Variants in EIF4EBP1 observed in about 807,000 individuals in gnomAD.
EIF4EBP1 encodes eukaryotic translation initiation factor 4E binding protein 1.
EIF4EBP1 carries 5 observed loss-of-function variants against 9.2 expected under a neutral mutation model. That is an observed-to-expected ratio of 0.54 (90% CI 0.28 to 1.14). The LOEUF (loss-of-function observed/expected upper bound fraction) is 1.14, where lower values mean the gene tolerates loss of function less well. EIF4EBP1 is among the 50% of genes most tolerant of loss of function. The probability of loss-of-function intolerance (pLI) is 0.09; values close to 1 mark genes in which losing one functional copy is unlikely to be tolerated. For synonymous variants in EIF4EBP1, 62 were observed against 67.0 expected (o/e 0.93, Z 0.36); for missense variants, 139 against 169.6 (o/e 0.82, Z 1.00).
chr8:38,056,049 T>G (rs1809590787), intron 1 of EIF4EBP1, among the ~76,000 whole-genome samples: 2 of 152,016 alleles, frequency 1.3e-5, no homozygotes. Flanking sequence ...GGAACTGTCT[T>G]TTTGAGATAG....
intron 1 of EIF4EBP1, among the ~76,000 whole-genome samples, chr8:38,039,827 C>G (rs1411753929): frequency 6.6e-6 from 1 of 152,044 alleles, no homozygotes; most frequent in Non-Finnish European, 1.5e-5. Flanking sequence ...CCAATATTAC[C>G]GAACAGGGAG....
At chr8:38,045,299 A>C (rs941548917) in intron 1 of EIF4EBP1, among the ~76,000 whole-genome samples, 1 of 152,132 alleles carries the variant, frequency 6.6e-6, no homozygotes, top group African/African-American at 2.4e-5. Context: ...CTATTTGTAC[A>C]TTAAGTACCT....
rs772901137 is a variant in EIF4EBP1, at chr8:38,059,968, G to A, written c.*33G>A. ...GCCATCGTGTGGAGCACTACCAAGG[G>A]GCCCCTCAGGGCCTTCCTGGGAGGA... On this transcript the variant is annotated 3_prime_UTR_variant, in exon 3 of 3. Coordinates refer to ENST00000338825, the MANE Select transcript of EIF4EBP1 (RefSeq NM_004095.4). 10 of 1,604,694 alleles carry A rather than the reference G, an allele frequency of 6.2e-6. No homozygotes were observed. The South Asian group carries it at 1.1e-4, about 18-fold the overall frequency.
intron 1 of EIF4EBP1, among the ~76,000 whole-genome samples, chr8:38,031,511 T>C (rs953647512): frequency 4.6e-5 from 7 of 152,200 alleles, no homozygotes; most frequent in African/African-American, 1.4e-4. Flanking sequence ...CCTACGCGCC[T>C]GTTTGCATGA....
At chr8:38,033,499 G>A (rs1006754785) in intron 1 of EIF4EBP1, among the ~76,000 whole-genome samples, 2 of 151,722 alleles carry the variant, frequency 1.3e-5, no homozygotes, top group Non-Finnish European at 2.9e-5. Context: ...AAAAAAGATG[G>A]CTCCATCCAG....
intron 1 of EIF4EBP1, among the ~76,000 whole-genome samples, chr8:38,052,237 G>A (rs1809535930): frequency 6.6e-6 from 1 of 151,910 alleles, no homozygotes; most frequent in Non-Finnish European, 1.5e-5. Context: ...CTCTGCAGCA[G>A]GTGTCTTCAG....
In EIF4EBP1 at chr8:38,052,753, A is replaced by G. The variant is rs534362837; in HGVS notation, c.146-4328A>G. Among the ~76,000 whole-genome samples the G allele has an allele frequency of 1.6e-3, 236 of 151,668 alleles. 3 individuals are homozygous for G. Among genetic ancestry groups the G allele is most frequent in the Non-Finnish European group, 2.9e-4 (20 of 67,910 alleles). ...AAAAAATTGTAGATAAGGTCTTGCA[A>G]TGTTGCCCAGGCTGGTCTCAAACTC... is the stretch of plus-strand genomic sequence containing the variant. On this transcript the variant is annotated intron_variant, in intron 1 of 2. Coordinates refer to ENST00000338825, the MANE Select transcript of EIF4EBP1 (RefSeq NM_004095.4).
chr8:38,038,736 G>A (rs532788276), intron 1 of EIF4EBP1, among the ~76,000 whole-genome samples: 45 of 151,642 alleles, frequency 3.0e-4, no homozygotes, highest in Non-Finnish European at 5.7e-4. Context: ...ACATGCTCTC[G>A]AGATGCTCAG....
Position 38,030,722 on chromosome 8 carries a change from G to C in EIF4EBP1, c.145+4G>C. On this transcript the variant is annotated splice_donor_region_variant and intron_variant, in intron 1 of 2. Coordinates refer to ENST00000338825, the MANE Select transcript of EIF4EBP1 (RefSeq NM_004095.4). ...CTCTTCAGCACCACCCCGGGAGGTAGGCGCGGGCTTGGCGACGCCGCTTGC... is the reference window on the plus strand; with the variant it reads ...CTCTTCAGCACCACCCCGGGAGGTACGCGCGGGCTTGGCGACGCCGCTTGC... 1 of 1,391,916 alleles carries C rather than the reference G, an allele frequency of 7.2e-7. No individual in the cohort carries two copies. Among genetic ancestry groups the C allele is most frequent in the Non-Finnish European group, 9.3e-7 (1 of 1,079,078 alleles). 86.2% of individuals were successfully genotyped at this position (1,391,916 alleles called of 1,614,324 possible). A position where few individuals can be genotyped will look rare whatever the true frequency, so the allele number is the denominator to read the frequency against.
In EIF4EBP1 at chr8:38,038,539, A is replaced by G. The variant is rs115917992; in HGVS notation, c.145+7821A>G. Among the ~76,000 whole-genome samples the G allele has an allele frequency of 3.6e-3, 518 of 145,854 alleles. 2 individuals are homozygous for G. Among genetic ancestry groups the G allele is most frequent in the African/African-American group, 0.011 (457 of 40,040 alleles). ...AAAAAAAAAGGCAGAGTCTTGTTCT[A>G]TTACCTACATTAGAGTGCATTGGCA... On this transcript the variant is annotated intron_variant, in intron 1 of 2. Coordinates refer to ENST00000338825, the MANE Select transcript of EIF4EBP1 (RefSeq NM_004095.4).
At chr8:38,042,191 T>A (rs940259067) in intron 1 of EIF4EBP1, among the ~76,000 whole-genome samples, 4 of 152,114 alleles carry the variant, frequency 2.6e-5, no homozygotes, top group African/African-American at 9.7e-5. Context: ...AGCACTACCA[T>A]GTGAATATCC....
chr8:38,052,855 C>T (rs1289024435), intron 1 of EIF4EBP1, among the ~76,000 whole-genome samples: 4 of 152,038 alleles, frequency 2.6e-5, no homozygotes, highest in African/African-American at 9.7e-5. Flanking sequence ...ACCCAGCCTT[C>T]GGCTGACTTT....
At chr8:38,043,460 A>G (rs1465700982) in intron 1 of EIF4EBP1, among the ~76,000 whole-genome samples, 3 of 146,242 alleles carry the variant, frequency 2.1e-5, no homozygotes, top group African/African-American at 7.7e-5. Flanking sequence ...TGCCTCCTGG[A>G]TTCAAGCGAT....
At chr8:38,049,069 G>C (rs1809482552) in intron 1 of EIF4EBP1, among the ~76,000 whole-genome samples, 3 of 150,358 alleles carry the variant, frequency 2.0e-5, no homozygotes, top group African/African-American at 7.3e-5. Context: ...AGGTTGCAGT[G>C]AGCCGAGATT....
chr8:38,046,433 G>A lies in EIF4EBP1; in HGVS notation c.146-10648G>A, dbSNP rs566868052. On this transcript the variant is annotated intron_variant, in intron 1 of 2. Coordinates refer to ENST00000338825, the MANE Select transcript of EIF4EBP1 (RefSeq NM_004095.4). ...AAGTTTATGATGGTTCTTGGTTTCC[G>A]TGGGCCTAAAAAGGAGGGAGGACAC... 7.9e-5 allele frequency among the ~76,000 whole-genome samples: 12 copies of A among 152,200 alleles called. No homozygotes were observed. In the South Asian group the frequency reaches 8.3e-4, roughly 11 times the overall value.
chr8:38,048,607 T>C (rs1809476546), intron 1 of EIF4EBP1, among the ~76,000 whole-genome samples: 1 of 152,150 alleles, frequency 6.6e-6, no homozygotes, highest in Admixed American at 6.6e-5. Flanking sequence ...GCCACACAAC[T>C]GTCAATGTGG....
intron 1 of EIF4EBP1, among the ~76,000 whole-genome samples, chr8:38,040,875 T>C (rs139139740): frequency 3.5e-3 from 526 of 151,562 alleles, no homozygotes; most frequent in Non-Finnish European, 5.9e-3. Flanking sequence ...CCTGTTGTTG[T>C]TGTTGTTGTT....
intron 1 of EIF4EBP1, among the ~76,000 whole-genome samples, chr8:38,037,299 AC>A (rs755465019): frequency 2.0e-5 from 3 of 151,832 alleles, no homozygotes; most frequent in Non-Finnish European, 2.9e-5. Context: ...CCTCAGGATA[AC>A]CTAGTTTTCT....
chr8:38,056,663 C>CTTT (rs575250125), intron 1 of EIF4EBP1, among the ~76,000 whole-genome samples: 5 of 130,768 alleles, frequency 3.8e-5, no homozygotes, highest in Admixed American at 7.8e-5. Context: ...ACTACTCTGG[C>CTTT]TTTTTTTTTT....
Sources: gnomAD v4.1 joint callset for allele counts (sites outside exome capture counted in the v4.1 genomes callset) on GRCh38, gnomAD v4.1.1 for gene constraint, MANE v1.5 for transcripts, NCBI Gene and HGNC (gene_info 2026-07-23, HGNC 2026-07-21) for gene names.